ZNF521: variants seen among roughly 807,000 people sequenced by gnomAD.
ZNF521 encodes the protein LYST-interacting protein 3.
A neutral mutation model predicts 105.5 loss-of-function variants in ZNF521; 14 were observed. That is an observed-to-expected ratio of 0.13 (90% CI 0.09 to 0.21). The LOEUF is 0.21. Ranked by LOEUF, ZNF521 falls within the 10% of genes least tolerant of loss-of-function variation. ZNF521 has a pLI of 1.00. For synonymous variants in ZNF521, 635 were observed against 606.0 expected (o/e 1.05, Z -0.70); for missense variants, 1,233 against 1,629.7 (o/e 0.76, Z 4.19).
At chr18:25,202,514 T>C (rs1256110010) in intron 4 of ZNF521, 1 of 152,086 alleles carries the variant, frequency 6.6e-6, no homozygotes, top group African/African-American at 2.4e-5. Flanking sequence ...AAATCACAAG[T>C]TGGTGACAAG....
chr18:25,249,065 A>AATT (rs1907925096), intron 3 of ZNF521, among the ~76,000 whole-genome samples: 1 of 152,190 alleles, frequency 6.6e-6, no homozygotes, highest in Non-Finnish European at 1.5e-5. Context: ...ACAATCCTTG[A>AATT]ATTACAGCAT....
Position 25,062,711 on chromosome 18 carries a change from A to G in ZNF521, c.*1T>C. Reference sequence around the variant, plus strand: ...ATTCTCCTTGAGAGACTGTACTTGCACTAACTGCTGTGTTGGGTCATTGTA... The same window carrying G: ...ATTCTCCTTGAGAGACTGTACTTGCGCTAACTGCTGTGTTGGGTCATTGTA... On this transcript the variant is annotated 3_prime_UTR_variant, in exon 8 of 8. Coordinates refer to ENST00000361524, the MANE Select transcript of ZNF521 (RefSeq NM_015461.3). 7.0e-7 allele frequency: 1 copy of G among 1,437,400 alleles called. No individual in the cohort carries two copies. Among genetic ancestry groups the G allele is most frequent in the Non-Finnish European group, 9.2e-7 (1 of 1,082,788 alleles). 89.0% of individuals were successfully genotyped at this position (1,437,400 alleles called of 1,614,324 possible). A position where few individuals can be genotyped will look rare whatever the true frequency, so the allele number is the denominator to read the frequency against.
At chr18:25,215,944 C>A (rs1356038269) in intron 4 of ZNF521, among the ~76,000 whole-genome samples, 1 of 152,178 alleles carries the variant, frequency 6.6e-6, no homozygotes, top group Non-Finnish European at 1.5e-5. Flanking sequence ...CAGAGCAATT[C>A]ACTGTCTTTG....
intron 3 of ZNF521, among the ~76,000 whole-genome samples, chr18:25,240,921 T>C (rs1907281547): frequency 6.7e-6 from 1 of 149,900 alleles, no homozygotes; most frequent in South Asian, 2.1e-4. Context: ...TGCACTACTT[T>C]GTGTCATATG....
At chr18:25,186,950 A>G (rs1000871295) in intron 5 of ZNF521, among the ~76,000 whole-genome samples, 1 of 151,816 alleles carries the variant, frequency 6.6e-6, no homozygotes, top group African/African-American at 2.4e-5. Flanking sequence ...AGAAAACATA[A>G]AGAGGAACAA....
intron 3 of ZNF521, among the ~76,000 whole-genome samples, chr18:25,246,166 T>C (rs901309046): frequency 2.0e-5 from 3 of 152,084 alleles, no homozygotes; most frequent in Non-Finnish European, 2.9e-5. Context: ...ATGGCACATG[T>C]ATACATATGT....
At chr18:25,073,434 T>C (rs1405839425) in intron 7 of ZNF521, among the ~76,000 whole-genome samples, 3 of 152,230 alleles carry the variant, frequency 2.0e-5, no homozygotes, top group Admixed American at 6.5e-5. Context: ...AAGATTCCAC[T>C]GGCATCATTT....
chr18:25,151,104 A>G (rs2035040170), intron 5 of ZNF521, among the ~76,000 whole-genome samples: 1 of 151,886 alleles, frequency 6.6e-6, no homozygotes. Flanking sequence ...TCCAGGTCTT[A>G]TGTTGCTCCC....
At chr18:25,331,893 C>CT (rs11407486) in intron 2 of ZNF521, among the ~76,000 whole-genome samples, 126,340 of 134,550 alleles carry the variant, frequency 0.94, 59,555 homozygotes, top group South Asian at 0.99. Flanking sequence ...TTGCTTTTTT[C>CT]TTTTTTTTTT....
chr18:25,291,485 G>A (rs1911017505), intron 3 of ZNF521, among the ~76,000 whole-genome samples: 1 of 152,158 alleles, frequency 6.6e-6, no homozygotes, highest in African/African-American at 2.4e-5. Flanking sequence ...ATAAGAGTAA[G>A]TAATGAATTT....
chr18:25,312,953 C>G (rs1189561914), intron 3 of ZNF521, among the ~76,000 whole-genome samples: 1 of 152,094 alleles, frequency 6.6e-6, no homozygotes, highest in African/African-American at 2.4e-5. Flanking sequence ...ACCACTTTCT[C>G]TAAAACTGAG....
At chr18:25,093,562 T>C (rs2033793046) in intron 5 of ZNF521, among the ~76,000 whole-genome samples, 1 of 152,174 alleles carries the variant, frequency 6.6e-6, no homozygotes, top group Non-Finnish European at 1.5e-5. Context: ...GTGAGTAAAA[T>C]CACTCTATTT....
intron 5 of ZNF521, among the ~76,000 whole-genome samples, chr18:25,178,782 T>G (rs1280275890): frequency 6.6e-6 from 1 of 152,176 alleles, no homozygotes; most frequent in Admixed American, 6.5e-5. Flanking sequence ...ACATCAGGCT[T>G]TGATGCAATG....
intron 4 of ZNF521, among the ~76,000 whole-genome samples, chr18:25,215,288 T>TA (rs1204200023): frequency 6.6e-6 from 1 of 152,170 alleles, no homozygotes. Context: ...TCAGGCTTTT[T>TA]AAAAGCTTTT....
intron 4 of ZNF521, among the ~76,000 whole-genome samples, chr18:25,199,938 G>A (rs927514954): frequency 5.3e-5 from 8 of 151,636 alleles, no homozygotes; most frequent in African/African-American, 1.7e-4. Context: ...TTTATAAACT[G>A]TTTCATACTT....
chr18:25,212,150 G>A (rs902476072), intron 4 of ZNF521, among the ~76,000 whole-genome samples: 1 of 151,916 alleles, frequency 6.6e-6, no homozygotes, highest in African/African-American at 2.4e-5. Flanking sequence ...TTTGTCATGT[G>A]ACTTTTCATT....
At chr18:25,125,429 C>A (rs1057100139) in intron 5 of ZNF521, among the ~76,000 whole-genome samples, 9 of 152,108 alleles carry the variant, frequency 5.9e-5, no homozygotes, top group African/African-American at 2.2e-4. Context: ...GATATCAAGA[C>A]ATACCTCATG....
chr18:25,192,867 T>C (rs1294032784), intron 5 of ZNF521, among the ~76,000 whole-genome samples: 1 of 152,128 alleles, frequency 6.6e-6, no homozygotes, highest in Admixed American at 6.6e-5. Context: ...TCTCTCTAGA[T>C]ACTAACAGCA....
At chr18:25,335,538 G>A (rs147262108) in intron 2 of ZNF521, among the ~76,000 whole-genome samples, 4 of 152,218 alleles carry the variant, frequency 2.6e-5, no homozygotes, top group Non-Finnish European at 4.4e-5. Flanking sequence ...TATATTAAGC[G>A]ATCCCAAAGT....
Sources: allele counts gnomAD v4.1 joint callset (sites outside exome capture counted in the v4.1 genomes callset), GRCh38; gene constraint gnomAD v4.1.1; transcripts MANE v1.5; gene names NCBI Gene and HGNC (gene_info 2026-07-23, HGNC 2026-07-21).